Variants in CLMN observed in about 807,000 individuals in gnomAD.
CLMN encodes the protein calmin.
In CLMN, 57 loss-of-function variants were observed where a neutral mutation model predicts 92.7. That is an observed-to-expected ratio of 0.61 (90% CI 0.50 to 0.77). The LOEUF is 0.77. CLMN is among the 30% of genes least tolerant of loss of function. CLMN has a pLI of 0.00. For synonymous variants in CLMN, 466 were observed against 470.6 expected, an observed-to-expected ratio of 0.99 and a Z score of 0.13; for missense variants, 1,158 against 1,237.5, an observed-to-expected ratio of 0.94 and a Z score of 0.96.
intron 1 of CLMN, among the ~76,000 whole-genome samples, chr14:95,303,300 G>C (rs2140782871): frequency 6.6e-6 from 1 of 152,246 alleles, no homozygotes. Context: ...CTCTCCCAAG[G>C]GGCCAAAGCA....
chr14:95,210,575 A>C, intron 7 of CLMN, 111 bp downstream of exon 7: 1 of 1,131,548 alleles, frequency 8.8e-7, no homozygotes, highest in Non-Finnish European at 1.3e-6. Flanking sequence ...ATATAGGAGA[A>C]AAAATCTTCT....
intron 1 of CLMN, among the ~76,000 whole-genome samples, chr14:95,250,955 A>T (rs1898758884): frequency 6.6e-6 from 1 of 152,238 alleles, no homozygotes. Context: ...GGTGGCAAGG[A>T]CTAGGAGATC....
At chr14:95,233,970 T>C (rs531534600) in intron 1 of CLMN, among the ~76,000 whole-genome samples, 2 of 152,102 alleles carry the variant, frequency 1.3e-5, no homozygotes, top group East Asian at 1.9e-4. Flanking sequence ...AGCAGACAAG[T>C]CCCAAACTGA....
At chr14:95,221,137 G>A (rs1387144008) in intron 4 of CLMN, among the ~76,000 whole-genome samples, 1 of 152,120 alleles carries the variant, frequency 6.6e-6, no homozygotes, top group Non-Finnish European at 1.5e-5. Context: ...GAAACCTAAT[G>A]AGAGGCGTGA....
chr14:95,268,459 A>G (rs1899566858), intron 1 of CLMN, among the ~76,000 whole-genome samples: 1 of 151,980 alleles, frequency 6.6e-6, no homozygotes, highest in South Asian at 2.1e-4. Context: ...ACAGAATTCT[A>G]GAGTTGGAAA....
intron 1 of CLMN, among the ~76,000 whole-genome samples, chr14:95,268,289 C>A (rs1187374489): frequency 6.7e-6 from 1 of 150,246 alleles, no homozygotes; most frequent in Admixed American, 6.7e-5. Context: ...ATATGTGTAT[C>A]GTTTATGTAA....
At chr14:95,274,699 A>G (rs1293036317) in intron 1 of CLMN, among the ~76,000 whole-genome samples, 1 of 152,138 alleles carries the variant, frequency 6.6e-6, no homozygotes, top group East Asian at 1.9e-4. Context: ...TGATAGTCAC[A>G]GCCGGGCGCG....
rs1340591982 is a variant in CLMN at position 95,230,679 on chromosome 14, C to T, written c.83-546G>A. ...TGTGTGCCCGGGCCAGACCCCCACC[C>T]GCATGTCTGATCTGCACATGGAGGA... On this transcript the variant is annotated intron_variant, in intron 1 of 12. Transcript: ENST00000298912. Among the ~76,000 whole-genome samples, 5 of 152,206 alleles carry T rather than the reference C, an allele frequency of 3.3e-5. No individual in the cohort carries two copies. In the South Asian group the frequency reaches 6.2e-4, roughly 19 times the overall value.
intron 1 of CLMN, among the ~76,000 whole-genome samples, chr14:95,262,455 C>T (rs995862429): frequency 2.0e-5 from 3 of 152,230 alleles, no homozygotes; most frequent in Non-Finnish European, 4.4e-5. Flanking sequence ...ATAGCTACCA[C>T]TTCTGCAGCA....
chr14:95,283,467 C>T (rs548317823), intron 1 of CLMN, among the ~76,000 whole-genome samples: 93 of 152,292 alleles, frequency 6.1e-4, no homozygotes, highest in African/African-American at 2.1e-3. Context: ...GACTTTGGAA[C>T]TGGGTAACAG....
intron 1 of CLMN, among the ~76,000 whole-genome samples, chr14:95,284,088 G>A (rs1309355079): frequency 1.3e-5 from 2 of 152,162 alleles, no homozygotes; most frequent in African/African-American, 4.8e-5. Context: ...TTGGTGCCCT[G>A]TGTCCCAGCC....
chr14:95,292,190 A>G (rs916014358), intron 1 of CLMN, among the ~76,000 whole-genome samples: 1 of 152,218 alleles, frequency 6.6e-6, no homozygotes, highest in Non-Finnish European at 1.5e-5. Flanking sequence ...AACTCGACAC[A>G]TTCACAGGGA....
At chr14:95,227,764 C>T (rs1161582188) in intron 2 of CLMN, among the ~76,000 whole-genome samples, 1 of 152,182 alleles carries the variant, frequency 6.6e-6, no homozygotes, top group Non-Finnish European at 1.5e-5. Flanking sequence ...AACAGCACCC[C>T]CAGGGCTTTC....
intron 1 of CLMN, among the ~76,000 whole-genome samples, chr14:95,230,675 C>T (rs1897856875): frequency 6.6e-6 from 1 of 152,354 alleles, no homozygotes; most frequent in East Asian, 1.9e-4. Context: ...GCCAGACCCC[C>T]ACCCGCATGT....
intron 1 of CLMN, among the ~76,000 whole-genome samples, chr14:95,247,879 G>A (rs537344373): frequency 2.0e-5 from 3 of 152,260 alleles, no homozygotes; most frequent in African/African-American, 7.2e-5. Flanking sequence ...GAGACATAGA[G>A]ATGAGAGAAG....
intron 5 of CLMN, among the ~76,000 whole-genome samples, chr14:95,215,385 T>C (rs1301407127): frequency 2.0e-5 from 3 of 152,234 alleles, no homozygotes; most frequent in African/African-American, 7.2e-5. Context: ...AGTTATTTTT[T>C]GAAGTAAATA....
At chr14:95,280,061 T>C (rs984809843) in intron 1 of CLMN, among the ~76,000 whole-genome samples, 25 of 152,164 alleles carry the variant, frequency 1.6e-4, no homozygotes, top group Non-Finnish European at 7.3e-5. Context: ...TGTGGAAGGT[T>C]TGTGAAAGAT....
At chr14:95,228,880 G>A (rs1456433622) in intron 2 of CLMN, among the ~76,000 whole-genome samples, 1 of 152,150 alleles carries the variant, frequency 6.6e-6, no homozygotes, top group Non-Finnish European at 1.5e-5. Context: ...TCACCATGCT[G>A]GCCAGGCTGG....
chr14:95,301,097 C>G lies in CLMN; in HGVS notation c.82+18614G>C, dbSNP rs1181445810. 4.6e-5 allele frequency among the ~76,000 whole-genome samples: 7 copies of G among 152,220 alleles called. No individual in the cohort carries two copies. The East Asian group carries it at 1.3e-3, about 29-fold the overall frequency. Reference sequence around the variant, plus strand: ...TATTGTGTCACTTTGTTGGATTCTTCCCACAACTGGAGAGTATCGGGTTAT... The same window carrying G: ...TATTGTGTCACTTTGTTGGATTCTTGCCACAACTGGAGAGTATCGGGTTAT... On this transcript the variant is annotated intron_variant, in intron 1 of 12. Coordinates refer to ENST00000298912, the MANE Select transcript of CLMN (RefSeq NM_024734.4).
Sources: allele counts gnomAD v4.1 joint callset (sites outside exome capture counted in the v4.1 genomes callset), GRCh38; gene constraint gnomAD v4.1.1; transcripts MANE v1.5; gene names NCBI Gene and HGNC (gene_info 2026-07-23, HGNC 2026-07-21).